The following DPP10 variants were observed in gnomAD, a reference collection of about 807,000 sequenced individuals.
The protein encoded by DPP10 is inactive dipeptidyl peptidase 10.
Under a neutral mutation model 120.9 loss-of-function variants are expected in DPP10, and 33 were observed. The observed-to-expected ratio is 0.27, with a 90% CI of 0.21 to 0.37. The LOEUF (loss-of-function observed/expected upper bound fraction) is 0.37, where lower values mean the gene tolerates loss of function less well. Ranked by LOEUF, DPP10 falls within the 10% of genes least tolerant of loss-of-function variation. The probability of loss-of-function intolerance (pLI) is 1.00; values close to 1 mark genes in which losing one functional copy is unlikely to be tolerated. For synonymous variants in DPP10, 337 were observed against 326.1 expected, an observed-to-expected ratio of 1.03 and a Z score of -0.36; for missense variants, 816 against 942.8, an observed-to-expected ratio of 0.87 and a Z score of 1.76.
chr2:115,493,439 A>G (rs563830521), intron 3 of DPP10, among the ~76,000 whole-genome samples: 2 of 152,116 alleles, frequency 1.3e-5, no homozygotes, highest in South Asian at 4.1e-4. Flanking sequence ...CCTATGGGAA[A>G]TGTCAGGACA....
At chr2:115,216,883 A>G (rs980573755) in intron 1 of DPP10, among the ~76,000 whole-genome samples, 5 of 151,946 alleles carry the variant, frequency 3.3e-5, no homozygotes, top group African/African-American at 1.2e-4. Flanking sequence ...ATATACGTGT[A>G]TATATGTGTA....
At chr2:114,902,644 T>A (rs1034111378) in intron 1 of DPP10, among the ~76,000 whole-genome samples, 32 of 152,238 alleles carry the variant, frequency 2.1e-4, no homozygotes, top group Non-Finnish European at 4.3e-4. Flanking sequence ...AAATAGACTT[T>A]ATTTTTTAGT....
chr2:114,585,498 C>T (rs568234399), intron 1 of DPP10, among the ~76,000 whole-genome samples: 4 of 152,188 alleles, frequency 2.6e-5, no homozygotes, highest in East Asian at 1.9e-4. Context: ...CCCTTTCCAG[C>T]GACACCTAGA....
intron 1 of DPP10, among the ~76,000 whole-genome samples, chr2:114,631,323 C>T (rs1406736087): frequency 6.6e-6 from 1 of 152,084 alleles, no homozygotes; most frequent in African/African-American, 2.4e-5. Context: ...AAAAGCATGC[C>T]TCCTTCCGAG....
intron 1 of DPP10, among the ~76,000 whole-genome samples, chr2:115,141,705 G>A (rs1183620979): frequency 6.6e-6 from 1 of 152,168 alleles, no homozygotes; most frequent in African/African-American, 2.4e-5. Flanking sequence ...TTATATACAG[G>A]TGTATTCTAT....
chr2:115,250,316 T>G (rs962477794), intron 1 of DPP10, among the ~76,000 whole-genome samples: 1 of 152,186 alleles, frequency 6.6e-6, no homozygotes, highest in African/African-American at 2.4e-5. Flanking sequence ...TGAGGAAGCT[T>G]CTCTCCCATA....
intron 3 of DPP10, among the ~76,000 whole-genome samples, chr2:115,374,189 G>T (rs141133375): frequency 6.6e-6 from 1 of 152,022 alleles, no homozygotes; most frequent in Non-Finnish European, 1.5e-5. Flanking sequence ...CTCATTCCAG[G>T]AATAACTCAA....
intron 1 of DPP10, among the ~76,000 whole-genome samples, chr2:114,497,283 G>GTA (rs1682682624): frequency 1.6e-5 from 1 of 60,824 alleles, no homozygotes; most frequent in Non-Finnish European, 4.1e-5. Flanking sequence ...ATGTATACGT[G>GTA]TATACATGTA....
At chr2:115,016,739 G>A (rs764599875) in intron 1 of DPP10, among the ~76,000 whole-genome samples, 1 of 151,770 alleles carries the variant, frequency 6.6e-6, no homozygotes, top group Non-Finnish European at 1.5e-5. Flanking sequence ...GCAGCCAACA[G>A]ACACACGAAA....
chr2:115,371,984 A>T (rs1051830284), intron 3 of DPP10, among the ~76,000 whole-genome samples: 12 of 152,142 alleles, frequency 7.9e-5, no homozygotes, highest in Non-Finnish European at 1.5e-4. Flanking sequence ...ATCCCCTTAC[A>T]GTTCTAACAG....
chr2:114,631,600 G>A (rs1221132870), intron 1 of DPP10, among the ~76,000 whole-genome samples: 3 of 152,114 alleles, frequency 2.0e-5, no homozygotes, highest in Non-Finnish European at 4.4e-5. Context: ...GCCTGCCTGC[G>A]TGTCCAGTGT....
chr2:115,432,679 G>GTGTGTGTA (rs2071114763), intron 3 of DPP10, among the ~76,000 whole-genome samples: 1 of 151,048 alleles, frequency 6.6e-6, no homozygotes, highest in African/African-American at 2.4e-5. Flanking sequence ...GTGTGTGTGT[G>GTGTGTGTA]TGTGTGTGTG....
intron 1 of DPP10, among the ~76,000 whole-genome samples, chr2:114,930,719 GC>G (rs1391100323): frequency 3.3e-5 from 5 of 152,174 alleles, no homozygotes; most frequent in African/African-American, 1.2e-4. Flanking sequence ...AAGAAGCATG[GC>G]AGTGGAATCT....
intron 1 of DPP10, among the ~76,000 whole-genome samples, chr2:115,223,620 A>G (rs2057290436): frequency 1.3e-5 from 2 of 152,290 alleles, no homozygotes; most frequent in East Asian, 1.9e-4. Flanking sequence ...AAACAAAAAT[A>G]TGAAATAAAC....
chr2:115,384,833 C>G (rs2066793441), intron 3 of DPP10, among the ~76,000 whole-genome samples: 1 of 152,176 alleles, frequency 6.6e-6, no homozygotes, highest in Non-Finnish European at 1.5e-5. Flanking sequence ...TGGCTCTTTT[C>G]TCCACCCAAA....
At chr2:115,726,954 T>C (rs2092779902) in intron 7 of DPP10, among the ~76,000 whole-genome samples, 1 of 151,630 alleles carries the variant, frequency 6.6e-6, no homozygotes. Context: ...CTGGACAATG[T>C]TGTGCTTCCC....
At chr2:114,981,479 G>A (rs1020489172) in intron 1 of DPP10, among the ~76,000 whole-genome samples, 1 of 152,160 alleles carries the variant, frequency 6.6e-6, no homozygotes, top group Non-Finnish European at 1.5e-5. Flanking sequence ...ATAAATGTAT[G>A]AGCCCATATG....
chr2:115,243,014 A>G lies in DPP10; in HGVS notation c.61-66225A>G, dbSNP rs1039124225. Among the ~76,000 whole-genome samples the G allele has an allele frequency of 3.2e-5, 4 of 125,592 alleles. No homozygotes were observed. In the South Asian group the frequency reaches 7.4e-4, roughly 23 times the overall value. The allele number at this position is 125,592 out of a possible 152,430, so 82.4% of individuals were successfully genotyped here. On this transcript the variant is annotated intron_variant, in intron 1 of 25. Coordinates refer to ENST00000410059, the MANE Select transcript of DPP10 (RefSeq NM_020868.6). ...TAAATTCTCTTCTCAAATAAATTATAGTGTTTTATAACACACACATACACA... is the reference window on the plus strand; with the variant it reads ...TAAATTCTCTTCTCAAATAAATTATGGTGTTTTATAACACACACATACACA...
At chr2:114,973,767 A>C (rs1292545277) in intron 1 of DPP10, among the ~76,000 whole-genome samples, 1 of 151,680 alleles carries the variant, frequency 6.6e-6, no homozygotes, top group Non-Finnish European at 1.5e-5. Flanking sequence ...AGCTCCATGC[A>C]CGTTACTGCT....
Sources: gnomAD v4.1 joint callset for allele counts (sites outside exome capture counted in the v4.1 genomes callset) on GRCh38, gnomAD v4.1.1 for gene constraint, MANE v1.5 for transcripts, NCBI Gene and HGNC (gene_info 2026-07-23, HGNC 2026-07-21) for gene names.